The following LINGO2 variants were observed in gnomAD, a reference collection of about 807,000 sequenced individuals.
LINGO2 encodes leucine-rich repeat and immunoglobulin-like domain-containing nogo receptor-interacting protein 2.
In LINGO2, 14 loss-of-function variants were observed where a neutral mutation model predicts 30.6. That is an observed-to-expected ratio of 0.46 (90% CI 0.30 to 0.72). The LOEUF (loss-of-function observed/expected upper bound fraction) is 0.72. Among genes scored for constraint, LINGO2 ranks in the 30% least tolerant of loss-of-function variants. LINGO2 has a pLI of 0.07. For missense variants in LINGO2, 729 were observed against 751.7 expected (o/e 0.97, Z 0.35); for synonymous variants, 317 against 288.5 (o/e 1.10, Z -1.00).
intron 4 of LINGO2, among the ~76,000 whole-genome samples, chr9:28,053,433 T>C (rs1046719264): frequency 5.3e-5 from 8 of 152,104 alleles, no homozygotes; most frequent in African/African-American, 1.9e-4. Flanking sequence ...TAAAGAACTC[T>C]TAATTGTATA....
the LINGO2 span, among the ~76,000 whole-genome samples, chr9:29,133,034 T>C: frequency 6.6e-6 from 1 of 152,150 alleles, no homozygotes; most frequent in Non-Finnish European, 1.5e-5. Flanking sequence ...GTATTTATTA[T>C]TTAACAAATT....
the LINGO2 span, among the ~76,000 whole-genome samples, chr9:28,809,247 G>A: frequency 2.0e-5 from 3 of 152,156 alleles, no homozygotes; most frequent in African/African-American, 7.2e-5. Flanking sequence ...AAGTGTTTAT[G>A]CCACTGATAG....
the LINGO2 span, among the ~76,000 whole-genome samples, chr9:29,041,886 TC>T: frequency 2.0e-5 from 3 of 151,940 alleles, no homozygotes; most frequent in African/African-American, 7.2e-5. Flanking sequence ...GAGAAAATAT[TC>T]ACACACCCTC....
At chr9:28,982,730 C>T in the LINGO2 span, among the ~76,000 whole-genome samples, 1 of 151,498 alleles carries the variant, frequency 6.6e-6, no homozygotes, top group South Asian at 2.1e-4. Context: ...AGTCATTTTA[C>T]AAAACATCAC....
the LINGO2 span, among the ~76,000 whole-genome samples, chr9:28,765,161 A>C: frequency 6.6e-6 from 1 of 152,102 alleles, no homozygotes; most frequent in East Asian, 1.9e-4. Flanking sequence ...ATGCATATAG[A>C]ATCACAAAAG....
At chr9:28,722,714 G>A in the LINGO2 span, among the ~76,000 whole-genome samples, 56,051 of 151,918 alleles carry the variant, frequency 0.37, 11,690 homozygotes, top group African/African-American at 0.55. Flanking sequence ...CCCTCAGGAG[G>A]GCACTGGGAA....
the LINGO2 span, among the ~76,000 whole-genome samples, chr9:28,737,370 C>A: frequency 6.6e-6 from 1 of 152,124 alleles, no homozygotes; most frequent in African/African-American, 2.4e-5. Flanking sequence ...ATCAGTGGAG[C>A]CTTACTCAGA....
chr9:28,709,630 C>T, the LINGO2 span, among the ~76,000 whole-genome samples: 2 of 151,930 alleles, frequency 1.3e-5, no homozygotes, highest in East Asian at 3.9e-4. Context: ...CAAATACAAA[C>T]AGAAATGCTT....
the LINGO2 span, among the ~76,000 whole-genome samples, chr9:28,921,381 T>C: frequency 6.6e-6 from 1 of 152,094 alleles, no homozygotes; most frequent in Non-Finnish European, 1.5e-5. Context: ...ATGAGTTTCG[T>C]AGGACCAATC....
chr9:27,960,153 G>A (rs1033804255), intron 5 of LINGO2, among the ~76,000 whole-genome samples: 3 of 152,024 alleles, frequency 2.0e-5, no homozygotes, highest in Admixed American at 6.6e-5. Context: ...TCAAGAGAAC[G>A]ACAGGAACAA....
chr9:28,066,298 G>C (rs962352003), intron 4 of LINGO2, among the ~76,000 whole-genome samples: 2 of 152,122 alleles, frequency 1.3e-5, no homozygotes, highest in African/African-American at 4.8e-5. Flanking sequence ...AGAAATGTCA[G>C]TGGTTGGCTT....
intron 4 of LINGO2, among the ~76,000 whole-genome samples, chr9:28,032,625 CTG>C (rs1165964836): frequency 2.6e-5 from 4 of 152,196 alleles, no homozygotes; most frequent in African/African-American, 7.2e-5. Context: ...GATGAAAACA[CTG>C]AGACCCAAAA....
At chr9:28,237,203 G>A (rs1052424915) in intron 4 of LINGO2, among the ~76,000 whole-genome samples, 2 of 151,578 alleles carry the variant, frequency 1.3e-5, no homozygotes, top group African/African-American at 4.9e-5. Context: ...GTGCTAAGCT[G>A]TCATCTGTTT....
At chr9:29,011,149 T>C in the LINGO2 span, among the ~76,000 whole-genome samples, 1 of 152,202 alleles carries the variant, frequency 6.6e-6, no homozygotes, top group African/African-American at 2.4e-5. Context: ...CTGTTTTTCA[T>C]ACATATTCAT....
chr9:28,617,815 T>C (rs765781629), intron 1 of LINGO2, among the ~76,000 whole-genome samples: 1 of 152,178 alleles, frequency 6.6e-6, no homozygotes, highest in Non-Finnish European at 1.5e-5. Context: ...TATTTCATAT[T>C]AACTAAGGCT....
At chr9:28,482,564 T>G (rs1472362179) in intron 1 of LINGO2, among the ~76,000 whole-genome samples, 8 of 152,002 alleles carry the variant, frequency 5.3e-5, no homozygotes, top group Non-Finnish European at 1.0e-4. Context: ...TTTTCTCCCA[T>G]TTTGCAGGTT....
the LINGO2 span, among the ~76,000 whole-genome samples, chr9:28,694,596 G>A: frequency 1.3e-5 from 2 of 151,850 alleles, no homozygotes; most frequent in East Asian, 1.9e-4. Flanking sequence ...ACACCTATGA[G>A]GTAGATAATG....
At chr9:28,944,007 A>G in the LINGO2 span, among the ~76,000 whole-genome samples, 4 of 152,350 alleles carry the variant, frequency 2.6e-5, no homozygotes, top group East Asian at 7.7e-4. Context: ...CTTAACAGCA[A>G]TAACTAAACA....
chr9:28,389,120 T>C (rs906944613), intron 2 of LINGO2, among the ~76,000 whole-genome samples: 5 of 152,212 alleles, frequency 3.3e-5, no homozygotes, highest in Non-Finnish European at 7.3e-5. Flanking sequence ...CTTTAGAATC[T>C]TGGGCATGTC....
Sources: gnomAD v4.1 joint callset for allele counts (sites outside exome capture counted in the v4.1 genomes callset) on GRCh38, gnomAD v4.1.1 for gene constraint, MANE v1.5 for transcripts, NCBI Gene and HGNC (gene_info 2026-07-23, HGNC 2026-07-21) for gene names.